Variants in TNIK observed in about 807,000 individuals in gnomAD.
The protein encoded by TNIK is TRAF2 and NCK-interacting protein kinase.
Under a neutral mutation model 191.3 loss-of-function variants are expected in TNIK, and 49 were observed. That is an observed-to-expected ratio of 0.26 (90% CI 0.20 to 0.32). TNIK has a LOEUF of 0.32. TNIK is among the 10% of genes least tolerant of loss of function. The pLI is 1.00. For missense variants in TNIK, 1,155 were observed against 1,702.3 expected (o/e 0.68, Z 5.66); for synonymous variants, 594 against 600.9 (o/e 0.99, Z 0.17).
At chr3:171,403,956 A>G (rs1721320777) in intron 1 of TNIK, among the ~76,000 whole-genome samples, 1 of 152,240 alleles carries the variant, frequency 6.6e-6, no homozygotes, top group African/African-American at 2.4e-5. Context: ...ACACATCTAT[A>G]GAGAATTAGA....
intron 16 of TNIK, among the ~76,000 whole-genome samples, chr3:171,127,173 A>T (rs1728592428): frequency 1.3e-5 from 2 of 152,330 alleles, no homozygotes; most frequent in East Asian, 3.9e-4. Context: ...TTCAACAAAC[A>T]TTAGTTTAAT....
chr3:171,232,553 G>C (rs1743788990), intron 2 of TNIK, among the ~76,000 whole-genome samples: 1 of 152,136 alleles, frequency 6.6e-6, no homozygotes, highest in South Asian at 2.1e-4. Context: ...AAAAGCTAGT[G>C]AACATGCTAA....
intron 12 of TNIK, among the ~76,000 whole-genome samples, chr3:171,149,196 G>A (rs1732076761): frequency 1.3e-5 from 2 of 152,148 alleles, no homozygotes; most frequent in Admixed American, 1.3e-4. Flanking sequence ...TGTAATAAAG[G>A]TGGTTCTGTG....
rs771977662 is a variant in TNIK, at chr3:171,063,906, T to C, written c.4058A>G (p.Asn1353Ser). 2 of 1,613,808 alleles carry C rather than the reference T, an allele frequency of 1.2e-6. No homozygotes were observed. The highest frequency in any genetic ancestry group is 3.3e-5 in the Admixed American group (2 of 60,016). ...GSSQVFFMTL[N>S]RNSMMNW ...TTACCAGTTCATCATGGAATTTCTG[T>C]TGAGGGTCATGAAAAACACTTGGCT... The change falls in exon 33 of 33, where the codon AAC becomes AGC. Residue 1353 changes from asparagine (N) to serine (S), a missense_variant. Transcript: ENST00000436636.
chr3:171,132,527 T>TA (rs987512751), intron 15 of TNIK, among the ~76,000 whole-genome samples: 9 of 152,176 alleles, frequency 5.9e-5, no homozygotes, highest in African/African-American at 2.2e-4. Flanking sequence ...ATAGACAACT[T>TA]AAAAATAAAT....
Position 171,139,685 on chromosome 3 carries a change from T to A in TNIK, c.1333-129A>T, listed in dbSNP as rs1730542438. 16 of 765,754 alleles carry A rather than the reference T, an allele frequency of 2.1e-5. No individual in the cohort carries two copies. The East Asian group carries it at 4.2e-4, about 20-fold the overall frequency. 47.4% of individuals were successfully genotyped at this position (765,754 alleles called of 1,614,324 possible). A position where few individuals can be genotyped will look rare whatever the true frequency, so the allele number is the denominator to read the frequency against. ...AGGAGGGGAAAAATACCCAAATACCTTCTTACAAAGCAGGAAGAGTATGTC... is the reference window on the plus strand; with the variant it reads ...AGGAGGGGAAAAATACCCAAATACCATCTTACAAAGCAGGAAGAGTATGTC... On this transcript the variant is annotated intron_variant, in intron 13 of 32. Transcript: ENST00000436636.
At chr3:171,139,686 T>A (rs762199858) in intron 13 of TNIK, 130 bp from the exon 14 acceptor site, 4 of 761,046 alleles carry the variant, frequency 5.3e-6, no homozygotes, top group Non-Finnish European at 8.9e-6. Context: ...CCAAATACCT[T>A]CTTACAAAGC....
In TNIK at chr3:171,122,729, T is replaced by C. The variant is rs541965913; in HGVS notation, c.2120+867A>G. Among the ~76,000 whole-genome samples the C allele has an allele frequency of 2.5e-4, 38 of 152,306 alleles. 1 individual carries two copies. The highest frequency in any genetic ancestry group is 8.9e-4 in the African/African-American group (37 of 41,566). On this transcript the variant is annotated intron_variant, in intron 18 of 32. Transcript: ENST00000436636. ...GAGGGTCCTTTTATTATGAACACAATGAAGAAGAAAACAGCCTGCCCAATC... is the reference window on the plus strand; with the variant it reads ...GAGGGTCCTTTTATTATGAACACAACGAAGAAGAAAACAGCCTGCCCAATC...
chr3:171,237,476 C>A (rs1744413498), intron 2 of TNIK, among the ~76,000 whole-genome samples: 1 of 150,832 alleles, frequency 6.6e-6, no homozygotes, highest in South Asian at 2.1e-4. Flanking sequence ...TAGTGAGCAA[C>A]TTACTGGAGT....
intron 27 of TNIK, among the ~76,000 whole-genome samples, chr3:171,081,432 C>T (rs1410393443): frequency 5.3e-5 from 8 of 151,150 alleles, no homozygotes; most frequent in Non-Finnish European, 8.8e-5. Context: ...ACATCAGAAA[C>T]TATGAACGCT....
At position 171,253,958 on chromosome 3, in the gene TNIK, G is replaced by T. The variant is rs552856167; in HGVS notation, c.124-25737C>A. Among the ~76,000 whole-genome samples the T allele has an allele frequency of 7.9e-5, 12 of 152,264 alleles. No individual in the cohort carries two copies. The East Asian group carries it at 1.7e-3, about 22-fold the overall frequency. ...AACACACAACTAGCAAAATTATGAA[G>T]TGTGTCTTTCAGGATCCATTTTTCT... On this transcript the variant is annotated intron_variant, in intron 2 of 32. Coordinates refer to ENST00000436636, the MANE Select transcript of TNIK (RefSeq NM_015028.4).
chr3:171,414,820 G>A (rs1260359570), intron 1 of TNIK, among the ~76,000 whole-genome samples: 1 of 152,208 alleles, frequency 6.6e-6, no homozygotes, highest in East Asian at 1.9e-4. Flanking sequence ...CTGTCAAATG[G>A]TATTTAATGC....
At chr3:171,457,101 T>C (rs1021021872) in intron 1 of TNIK, among the ~76,000 whole-genome samples, 2 of 152,226 alleles carry the variant, frequency 1.3e-5, no homozygotes, top group Non-Finnish European at 2.9e-5. Flanking sequence ...CTCTGAGCTC[T>C]AAAAATCAGG....
At chr3:171,112,429 T>A (rs1725987135) in intron 18 of TNIK, among the ~76,000 whole-genome samples, 1 of 151,970 alleles carries the variant, frequency 6.6e-6, no homozygotes, top group African/African-American at 2.4e-5. Flanking sequence ...GGATGGTGAA[T>A]CTTCAAAGAA....
intron 26 of TNIK, chr3:171,082,624 G>A: frequency 2.0e-6 from 1 of 490,606 alleles, no homozygotes; most frequent in Non-Finnish European, 3.5e-6. Context: ...CATACATCTA[G>A]TTATTTACTA....
At chr3:171,170,902 A>G (rs1735197993) in intron 9 of TNIK, among the ~76,000 whole-genome samples, 1 of 152,096 alleles carries the variant, frequency 6.6e-6, no homozygotes, top group Admixed American at 6.5e-5. Context: ...AATAGAAAAA[A>G]GTAGCTGAGC....
chr3:171,112,180 A>T (rs1158917110), intron 18 of TNIK, among the ~76,000 whole-genome samples: 1 of 152,230 alleles, frequency 6.6e-6, no homozygotes, highest in African/African-American at 2.4e-5. Flanking sequence ...CTGTAAATAG[A>T]TATACTTTTT....
chr3:171,421,696 C>G (rs919110604), intron 1 of TNIK, among the ~76,000 whole-genome samples: 2 of 151,056 alleles, frequency 1.3e-5, no homozygotes, highest in Non-Finnish European at 1.5e-5. Flanking sequence ...AATAAGAAGA[C>G]CTAGCTCTGC....
At chr3:171,094,017 T>C (rs767781834) in intron 22 of TNIK, 49 bp from the exon 23 acceptor site, 21 of 1,589,146 alleles carry the variant, frequency 1.3e-5, no homozygotes, top group South Asian at 4.6e-5. Flanking sequence ...TTAGGAAATA[T>C]CTGTTTCCTG....
Sources: allele counts gnomAD v4.1 joint callset (sites outside exome capture counted in the v4.1 genomes callset), GRCh38; gene constraint gnomAD v4.1.1; transcripts MANE v1.5; gene names NCBI Gene and HGNC (gene_info 2026-07-23, HGNC 2026-07-21).